Variants in MIER3 observed in about 807,000 individuals in gnomAD.
MIER3 encodes MIER family member 3, also known as mesoderm induction early response protein 3.
Under a neutral mutation model 63.2 loss-of-function variants are expected in MIER3, and 9 were observed. That is an observed-to-expected ratio of 0.14 (90% CI 0.09 to 0.25). The LOEUF (loss-of-function observed/expected upper bound fraction) is 0.25, where lower values mean the gene tolerates loss of function less well. MIER3 is among the 10% of genes least tolerant of loss of function. The pLI is 1.00. For synonymous variants in MIER3, 205 were observed against 224.9 expected (o/e 0.91, Z 0.79); for missense variants, 512 against 666.2 (o/e 0.77, Z 2.55).
chr5:56,950,720 G>C, intron 1 of MIER3, 68 bp from the exon 2 acceptor site: 3 of 1,574,282 alleles, frequency 1.9e-6, no homozygotes, highest in East Asian at 2.3e-5. Context: ...GCCGGCAACA[G>C]GGCGCAGAGG....
chr5:56,951,898 A>ACCGCTCCCGCGC (rs1406097371), intron 1 of MIER3, among the ~76,000 whole-genome samples, 196 bp downstream of exon 1: 9 of 149,570 alleles, frequency 6.0e-5, no homozygotes, highest in Non-Finnish European at 1.0e-4. Flanking sequence ...CCGGAGGGAG[A>ACCGCTCCCGCGC]CCGCTCCCGC....
At chr5:56,941,022 T>G (rs947783238) in intron 3 of MIER3, 8 of 985,138 alleles carry the variant, frequency 8.1e-6, no homozygotes, top group Non-Finnish European at 9.6e-6. Flanking sequence ...ATGGTCCACC[T>G]TCCCATCATT....
At chr5:56,930,210 G>C (rs565489716) in intron 9 of MIER3, among the ~76,000 whole-genome samples, 2 of 150,354 alleles carry the variant, frequency 1.3e-5, no homozygotes, top group African/African-American at 4.9e-5. Context: ...CAAAACATAA[G>C]AACTATAAAA....
intron 2 of MIER3, among the ~76,000 whole-genome samples, chr5:56,950,017 CA>C (rs1750962568): frequency 6.6e-6 from 1 of 152,192 alleles, no homozygotes; most frequent in African/African-American, 2.4e-5. Context: ...TAGATCCTGA[CA>C]GGGGTTTCTG....
chr5:56,950,775 G>A (rs371005199), intron 1 of MIER3, 123 bp from the exon 2 acceptor site: 3 of 1,104,994 alleles, frequency 2.7e-6, no homozygotes, highest in Non-Finnish European at 2.7e-6. Context: ...AGTGCAAGAC[G>A]TAGCTTCACT....
intron 10 of MIER3, 109 bp from the exon 11 acceptor site, chr5:56,924,151 T>C: frequency 9.2e-7 from 1 of 1,085,404 alleles, no homozygotes; most frequent in East Asian, 2.4e-5. Context: ...TATTTTCCCA[T>C]TATATAGTTC....
At chr5:56,951,701 G>A (rs77112307) in intron 1 of MIER3, among the ~76,000 whole-genome samples, 22 of 151,984 alleles carry the variant, frequency 1.4e-4, no homozygotes, top group Non-Finnish European at 2.7e-4. Context: ...GGCCGCGGAG[G>A]GGGGGCTCCG....
At chr5:56,951,271 C>T (rs1218842216) in intron 1 of MIER3, among the ~76,000 whole-genome samples, 1 of 152,102 alleles carries the variant, frequency 6.6e-6, no homozygotes, top group Non-Finnish European at 1.5e-5. Flanking sequence ...GTGTTCAGTC[C>T]CTCCCTGGAC....
chr5:56,928,531 A>G, intron 10 of MIER3: 1 of 315,302 alleles, frequency 3.2e-6, no homozygotes. Context: ...TAAAAAATAC[A>G]GTGAGTCCAC....
intron 3 of MIER3, among the ~76,000 whole-genome samples, chr5:56,946,669 G>A (rs943572210): frequency 2.6e-5 from 4 of 151,968 alleles, no homozygotes; most frequent in African/African-American, 4.8e-5. Flanking sequence ...ATAGTTTTCC[G>A]TATCTCAATT....
chr5:56,939,668 T>C (rs1750572244), intron 3 of MIER3, among the ~76,000 whole-genome samples: 1 of 152,206 alleles, frequency 6.6e-6, no homozygotes. Context: ...GCTGCACTGC[T>C]TTAATAAAAT....
chr5:56,950,503 A>C lies in MIER3; in HGVS notation c.34+125T>G, dbSNP rs1156546334. 7.9e-6 allele frequency: 8 copies of C among 1,009,548 alleles called. No homozygotes were observed. In the Admixed American group the frequency reaches 1.7e-4, roughly 22 times the overall value. The allele number at this position is 1,009,548 out of a possible 1,614,324, so 62.5% of individuals were successfully genotyped here. A position where few individuals can be genotyped will look rare whatever the true frequency, so the allele number is the denominator to read the frequency against. On this transcript the variant is annotated intron_variant, in intron 2 of 12. Transcript: ENST00000381199. ...CCAAACTTTACTAAATGCACACTGAAACTCTTAAAAATCAATGAAGAAAAA... is the reference window on the plus strand; with the variant it reads ...CCAAACTTTACTAAATGCACACTGACACTCTTAAAAATCAATGAAGAAAAA...
At position 56,950,265 on chromosome 5, in the gene MIER3, TACTC is replaced by T. The variant is rs200639721; in HGVS notation, c.34+359_34+362del. 7.2e-3 allele frequency among the ~76,000 whole-genome samples: 1,101 copies of T among 152,322 alleles called. 12 individuals are homozygous for T. The highest frequency in any genetic ancestry group is 0.025 in the African/African-American group (1,036 of 41,558). On this transcript the variant is annotated intron_variant, in intron 2 of 12. Transcript: ENST00000381199. ...AAGTAGTCCCAGAGTTCTGACAAATTACTCAATCTCTAGAAGAAACCGAAGTTAA... is the reference window on the plus strand; with the variant it reads ...AAGTAGTCCCAGAGTTCTGACAAATTAATCTCTAGAAGAAACCGAAGTTAA...
intron 10 of MIER3, among the ~76,000 whole-genome samples, chr5:56,926,874 C>A (rs1235791420): frequency 6.9e-6 from 1 of 143,942 alleles, no homozygotes; most frequent in Non-Finnish European, 1.6e-5. Flanking sequence ...TAATGGAATA[C>A]TATTCAGTGA....
intron 1 of MIER3, among the ~76,000 whole-genome samples, chr5:56,951,347 C>G (rs934309726): frequency 6.6e-6 from 1 of 152,108 alleles, no homozygotes; most frequent in Non-Finnish European, 1.5e-5. Flanking sequence ...CCCCCTCCCC[C>G]CAGCTCACCA....
chr5:56,928,628 AG>A (rs1307089825), intron 10 of MIER3, 138 bp downstream of exon 10: 1 of 555,108 alleles, frequency 1.8e-6, no homozygotes. Context: ...TGAGCAAATT[AG>A]TCATGTTAGA....
intron 1 of MIER3, among the ~76,000 whole-genome samples, chr5:56,951,699 A>AG (rs1026226403): frequency 5.9e-5 from 9 of 151,324 alleles, no homozygotes; most frequent in Admixed American, 1.3e-4. Flanking sequence ...CCGGCCGCGG[A>AG]GGGGGGGCTC....
chr5:56,949,972 T>C (rs1008736250), intron 2 of MIER3, among the ~76,000 whole-genome samples: 3 of 152,240 alleles, frequency 2.0e-5, no homozygotes, highest in Non-Finnish European at 4.4e-5. Flanking sequence ...ATTATGCATA[T>C]GTGCAGAGTT....
Position 56,921,522 on chromosome 5 carries a change from C to T in MIER3, c.*1606G>A, listed in dbSNP as rs1749673042. ...ATACTAATGTGCTACTGCGTAAACA[C>T]TTCAAAGCAATCTTCATTAAAATGC... On this transcript the variant is annotated 3_prime_UTR_variant, in exon 13 of 13. Coordinates refer to ENST00000381199, the MANE Select transcript of MIER3 (RefSeq NM_001297599.2). 1 of 152,606 alleles carries T rather than the reference C, an allele frequency of 6.6e-6. No homozygotes were observed. The highest frequency in any genetic ancestry group is 2.1e-4 in the South Asian group (1 of 4,836). 9.5% of individuals were successfully genotyped at this position (152,606 alleles called of 1,614,324 possible). A position where few individuals can be genotyped will look rare whatever the true frequency, so the allele number is the denominator to read the frequency against.
Sources: gnomAD v4.1 joint callset for allele counts (sites outside exome capture counted in the v4.1 genomes callset) on GRCh38, gnomAD v4.1.1 for gene constraint, MANE v1.5 for transcripts, NCBI Gene and HGNC (gene_info 2026-07-23, HGNC 2026-07-21) for gene names.